The following ADGRB2 variants were observed in gnomAD, a reference collection of about 807,000 sequenced individuals.
ADGRB2 encodes adhesion G protein-coupled receptor B2, also known as brain-specific angiogenesis inhibitor 2.
A neutral mutation model predicts 178.7 loss-of-function variants in ADGRB2; 47 were observed. The observed-to-expected ratio is 0.26, with a 90% CI of 0.21 to 0.34. ADGRB2 has a LOEUF of 0.34. ADGRB2 is among the 10% of genes least tolerant of loss of function. The pLI, the probability that ADGRB2 is intolerant of heterozygous loss-of-function variation, is 1.00. For missense variants in ADGRB2, 1,584 were observed against 2,180.8 expected (o/e 0.73, Z 5.45); for synonymous variants, 870 against 912.4 (o/e 0.95, Z 0.84).
chr1:31,749,368 C>T (rs891708174), intron 4 of ADGRB2, among the ~76,000 whole-genome samples: 1 of 152,242 alleles, frequency 6.6e-6, no homozygotes, highest in African/African-American at 2.4e-5. Flanking sequence ...CCACACCCCA[C>T]TGGGCAGCCA....
chr1:31,739,289 A>T lies in ADGRB2; in HGVS notation c.2495+19T>A, dbSNP rs1276510143. 2 of 1,444,182 alleles carry T rather than the reference A, an allele frequency of 1.4e-6. No homozygotes were observed. Among genetic ancestry groups the T allele is most frequent in the African/African-American group, 2.9e-5 (2 of 69,688 alleles). The allele number at this position is 1,444,182 out of a possible 1,614,324, so 89.5% of individuals were successfully genotyped here. ...TCCTGGACCCTCAGCAGCCCCAGCCACCCATCCCCAGGACTCACCTGGGAG... is the reference window on the plus strand; with the variant it reads ...TCCTGGACCCTCAGCAGCCCCAGCCTCCCATCCCCAGGACTCACCTGGGAG... On this transcript the variant is annotated intron_variant, in intron 15 of 32. Transcript: ENST00000373658.
Position 31,740,512 on chromosome 1 carries a change from G to T in ADGRB2, c.1824C>A (p.Arg608=), listed in dbSNP as rs765697515. The change falls in exon 12 of 33, where the codon CGC becomes CGA. Residue 608 remains arginine, a synonymous_variant. Transcript: ENST00000373658. The surrounding 1 kb of genome is among the most constrained non-coding windows in gnomAD (Gnocchi z 5.9). The part of the protein sequence containing the change: ...SLREHLAKGQ[R]MLAGEGMSQV... ...GCGACATGCCCTCGCCTGCCAGCAT[G>T]CGCTGCCCCTTGGCCAGGTGCTCCC... is the stretch of plus-strand genomic sequence containing the variant. The T allele has an allele frequency of 6.2e-7, 1 of 1,611,410 alleles. No homozygotes were observed. Among genetic ancestry groups the T allele is most frequent in the South Asian group, 1.1e-5 (1 of 90,798 alleles).
Position 31,733,287 on chromosome 1 carries a change from C to G in ADGRB2, c.3453-144G>C. The G allele has an allele frequency of 1.2e-6, 1 of 855,442 alleles. No homozygotes were observed. The highest frequency in any genetic ancestry group is 2.7e-5 in the East Asian group (1 of 37,504). 53.0% of individuals were successfully genotyped at this position (855,442 alleles called of 1,614,324 possible). On this transcript the variant is annotated intron_variant, in intron 25 of 32. Transcript: ENST00000373658. This position sits in a 1 kb window ranked among gnomAD's most constrained non-coding sequence, Gnocchi z 4.3. ...CCAGGGCCTCAGTAATGTCCCCAAG[C>G]AGAGAGGGGCTGAGGAGCCAGAGCC...
Position 31,753,984 on chromosome 1 carries a change from G to A in ADGRB2, c.838+2015C>T, listed in dbSNP as rs574913501. ...GCCCTCCCTAAAAAGCAACCCCAAGGAAACATGCCAAGTAGGACAAGGGGC... is the reference window on the plus strand; with the variant it reads ...GCCCTCCCTAAAAAGCAACCCCAAGAAAACATGCCAAGTAGGACAAGGGGC... On this transcript the variant is annotated intron_variant, in intron 4 of 32. Coordinates refer to ENST00000373658, the MANE Select transcript of ADGRB2 (RefSeq NM_001364857.2). This position sits in a 1 kb window ranked among gnomAD's most constrained non-coding sequence, Gnocchi z 4.1. 3.3e-5 allele frequency among the ~76,000 whole-genome samples: 5 copies of A among 152,304 alleles called. No homozygotes were observed. Among genetic ancestry groups the A allele is most frequent in the Admixed American group, 3.3e-4 (5 of 15,308 alleles).
At position 31,739,570 on chromosome 1, in the gene ADGRB2, G is replaced by A; in HGVS notation, c.2233C>T (p.Arg745Cys). The A allele has an allele frequency of 6.2e-7, 1 of 1,611,730 alleles. No individual in the cohort carries two copies. The highest frequency in any genetic ancestry group is 8.5e-7 in the Non-Finnish European group (1 of 1,179,146). ...SSDITFPMRG[R>C]RGMKDWVRHS... Reference sequence around the variant, plus strand: ...CGCACCCAGTCCTTCATGCCCCGGCGGCCCCGCATGGGGAACGTGATGTCA... The same window carrying A: ...CGCACCCAGTCCTTCATGCCCCGGCAGCCCCGCATGGGGAACGTGATGTCA... The change falls in exon 15 of 33, where the codon CGC (arginine) becomes TGC (cysteine). Residue 745 changes from arginine (R) to cysteine (C), a missense_variant. Physicochemically the swap from Arg to Cys is radical, Grantham distance 180. This residue lies in a region of ADGRB2 where 865 missense variants were observed against 1,192.8 expected (regional missense o/e 0.73). Transcript: ENST00000373658.
chr1:31,756,880 G>A lies in ADGRB2; in HGVS notation c.22-65C>T. 7.1e-7 allele frequency: 1 copy of A among 1,400,960 alleles called. No homozygotes were observed. Among genetic ancestry groups the A allele is most frequent in the East Asian group, 2.5e-5 (1 of 39,884 alleles). 86.8% of individuals were successfully genotyped at this position (1,400,960 alleles called of 1,614,324 possible). On this transcript the variant is annotated intron_variant, in intron 3 of 32. Transcript: ENST00000373658. This position sits in a 1 kb window ranked among gnomAD's most constrained non-coding sequence, Gnocchi z 8.5. ...CCAGCATGGGCTCTGAACCTTCTATGGTGAGCTGCGGGAGTGGGCCTCATA... is the reference window on the plus strand; with the variant it reads ...CCAGCATGGGCTCTGAACCTTCTATAGTGAGCTGCGGGAGTGGGCCTCATA...
Position 31,759,299 on chromosome 1 carries a change from G to A in ADGRB2, c.-190-1788C>T, listed in dbSNP as rs968977756. ...TGTACACATGCACAGAGGTGCACAC[G>A]CATTCTCGACTGAGAACACACATGA... On this transcript the variant is annotated intron_variant, in intron 1 of 32. Coordinates refer to ENST00000373658, the MANE Select transcript of ADGRB2 (RefSeq NM_001364857.2). The surrounding 1 kb of genome is among the most constrained non-coding windows in gnomAD (Gnocchi z 4.3). 1.9e-5 allele frequency: 15 copies of A among 779,588 alleles called. No homozygotes were observed. Among genetic ancestry groups the A allele is most frequent in the African/African-American group, 3.4e-5 (2 of 59,138 alleles). The allele number at this position is 779,588 out of a possible 1,614,324, so 48.3% of individuals were successfully genotyped here.
rs1461482227 is a variant in ADGRB2 at position 31,737,455 on chromosome 1, C to T, written c.2953G>A (p.Val985Met). Residue 985 changes from valine (V) to methionine (M), a missense_variant, in exon 20 of 33, where the codon GTG (valine) becomes ATG (methionine). By Grantham distance (21) the Val-to-Met change is conservative. Around this residue, in one of 3 missense-constraint regions of ADGRB2, gnomAD observed 865 missense variants for 1,192.8 expected, o/e 0.73. Coordinates refer to ENST00000373658, the MANE Select transcript of ADGRB2 (RefSeq NM_001364857.2). ...TTGCTCAGCACCCGGGACTGGCCCACGAGGATCAGGATGTTGGATGCCAAG... is the reference window on the plus strand; with the variant it reads ...TTGCTCAGCACCCGGGACTGGCCCATGAGGATCAGGATGTTGGATGCCAAG... ...SILASNILIL[V>M]GQSRVLSKGV... The T allele has an allele frequency of 3.1e-6, 5 of 1,614,008 alleles. No individual in the cohort carries two copies. The highest frequency in any genetic ancestry group is 2.5e-6 in the Non-Finnish European group (3 of 1,180,024).
intron 29 of ADGRB2, among the ~76,000 whole-genome samples, chr1:31,729,164 C>T (rs1324929755): frequency 6.6e-6 from 1 of 152,096 alleles, no homozygotes; most frequent in Non-Finnish European, 1.5e-5. Context: ...TTCAAGGCCC[C>T]AGTAAGCTGT....
Position 31,740,539 on chromosome 1 carries a change from A to G in ADGRB2, c.1797T>C (p.Leu599=). The change falls in exon 12 of 33, where the codon CTT becomes CTC. Residue 599 remains leucine, a splice_region_variant and synonymous_variant. Transcript: ENST00000373658. This position sits in a 1 kb window ranked among gnomAD's most constrained non-coding sequence, Gnocchi z 5.9. The part of the protein sequence containing the change: ...SHEYRYLYLS[L]REHLAKGQRM... ...GCTGCCCCTTGGCCAGGTGCTCCCTAAGCTGTAGGTGATGAGGGGGCCACA... is the reference window on the plus strand; with the variant it reads ...GCTGCCCCTTGGCCAGGTGCTCCCTGAGCTGTAGGTGATGAGGGGGCCACA... 2 of 1,599,858 alleles carry G rather than the reference A, an allele frequency of 1.3e-6. No individual in the cohort carries two copies. Among genetic ancestry groups the G allele is most frequent in the South Asian group, 2.2e-5 (2 of 89,450 alleles).
chr1:31,764,151 T>G lies in ADGRB2; in HGVS notation c.-458A>C. 1 of 623,262 alleles carries G rather than the reference T, an allele frequency of 1.6e-6. No homozygotes were observed. The highest frequency in any genetic ancestry group is 2.0e-6 in the Non-Finnish European group (1 of 508,562). The allele number at this position is 623,262 out of a possible 1,614,324, so 38.6% of individuals were successfully genotyped here. A position where few individuals can be genotyped will look rare whatever the true frequency, so the allele number is the denominator to read the frequency against. ...GCCTCCTTGCCGCGCCGCCCCCCGC[T>G]CCCCCGCTCCCCCGCCCCGAGCACC... On this transcript the variant is annotated 5_prime_UTR_variant, in exon 1 of 33. Coordinates refer to ENST00000373658, the MANE Select transcript of ADGRB2 (RefSeq NM_001364857.2). The surrounding 1 kb of genome is among the most constrained non-coding windows in gnomAD (Gnocchi z 7.3).
chr1:31,727,336 G>C lies in ADGRB2; in HGVS notation c.*84C>G. 7.0e-7 allele frequency: 1 copy of C among 1,437,362 alleles called. No individual in the cohort carries two copies. The highest frequency in any genetic ancestry group is 9.1e-7 in the Non-Finnish European group (1 of 1,094,846). 89.0% of individuals were successfully genotyped at this position (1,437,362 alleles called of 1,614,324 possible). On this transcript the variant is annotated 3_prime_UTR_variant, in exon 33 of 33. Coordinates refer to ENST00000373658, the MANE Select transcript of ADGRB2 (RefSeq NM_001364857.2). This position sits in a 1 kb window ranked among gnomAD's most constrained non-coding sequence, Gnocchi z 4.4. ...CAGCCCTCGGGAGAGGGGAGAGGGC[G>C]CTGGCTCCTGGGTAGTTCCAAAGTG...
Position 31,754,695 on chromosome 1 carries a change from G to A in ADGRB2, c.838+1304C>T, listed in dbSNP as rs1246437937. Reference sequence around the variant, plus strand: ...GCACGATGTCAGATGTCTCATTGGAGAAGCCAAGAAGGCCCCCATCGAAAG... The same window carrying A: ...GCACGATGTCAGATGTCTCATTGGAAAAGCCAAGAAGGCCCCCATCGAAAG... On this transcript the variant is annotated intron_variant, in intron 4 of 32. Transcript: ENST00000373658. The surrounding 1 kb of genome is among the most constrained non-coding windows in gnomAD (Gnocchi z 5.7). Among the ~76,000 whole-genome samples the A allele has an allele frequency of 6.6e-6, 1 of 152,218 alleles. No homozygotes were observed. Among genetic ancestry groups the A allele is most frequent in the Non-Finnish European group, 1.5e-5 (1 of 68,042 alleles).
chr1:31,736,844 A>G, intron 20 of ADGRB2, 121 bp from the exon 21 acceptor site: 2 of 1,436,760 alleles, frequency 1.4e-6, no homozygotes, highest in Non-Finnish European at 1.8e-6. Context: ...CGCCCCCCAC[A>G]GAGCCCTGCC....
At position 31,728,287 on chromosome 1, in the gene ADGRB2, G is replaced by A. The variant is rs756136583; in HGVS notation, c.4417-7C>T. On this transcript the variant is annotated splice_polypyrimidine_tract_variant and splice_region_variant and intron_variant, in intron 30 of 32. Transcript: ENST00000373658. The surrounding 1 kb of genome is among the most constrained non-coding windows in gnomAD (Gnocchi z 6.7). ...TCCGGGTGTGCATCACCTTCTAGGG[G>A]CCACAGGGCATCAGAGGGTCGCTCC... The A allele has an allele frequency of 3.1e-6, 5 of 1,613,160 alleles. No homozygotes were observed. The highest frequency in any genetic ancestry group is 4.2e-6 in the Non-Finnish European group (5 of 1,179,748).
At chr1:31,732,655 G>A (rs751828824) in intron 26 of ADGRB2, 43 bp from the exon 27 acceptor site, 86 of 1,594,514 alleles carry the variant, frequency 5.4e-5, no homozygotes, top group Non-Finnish European at 7.2e-5. Flanking sequence ...CCACTGCAGG[G>A]CCCCCGACCA....
rs1193856596 is a variant in ADGRB2 at position 31,738,275 on chromosome 1, G to C, written c.2697C>G (p.Thr899=). ...ACTGGCAGCGGGTGTGAGCTGCCTG[G>C]GTCTCCAGGGTCTGGCAATTTTCAG... ...WDTENCQTLE[T]QAAHTRCQCQ... is the part of the protein sequence containing the mutation. Residue 899 remains threonine, a synonymous_variant, in exon 18 of 33, where the codon ACC becomes ACG. Coordinates refer to ENST00000373658, the MANE Select transcript of ADGRB2 (RefSeq NM_001364857.2). The C allele has an allele frequency of 6.2e-7, 1 of 1,614,042 alleles. No homozygotes were observed. Among genetic ancestry groups the C allele is most frequent in the Non-Finnish European group, 8.5e-7 (1 of 1,179,986 alleles).
intron 25 of ADGRB2, among the ~76,000 whole-genome samples, chr1:31,734,808 G>A (rs867396915): frequency 1.3e-5 from 2 of 152,150 alleles, no homozygotes; most frequent in Non-Finnish European, 2.9e-5. Context: ...GCTTCTGATT[G>A]TCTTATTCTA....
chr1:31,745,959 G>A (rs963485700), intron 4 of ADGRB2, among the ~76,000 whole-genome samples: 6 of 152,140 alleles, frequency 3.9e-5, no homozygotes, highest in African/African-American at 1.2e-4. Context: ...TTCCCTCCAC[G>A]TCAGTCACCA....
Sources: gnomAD v4.1 joint callset for allele counts (sites outside exome capture counted in the v4.1 genomes callset) on GRCh38, gnomAD v4.1.1 for gene constraint, gnomAD v4.1.1 regional missense constraint, Gnocchi (gnomAD v3.1) non-coding constraint, MANE v1.5 for transcripts, NCBI Gene and HGNC (gene_info 2026-07-23, HGNC 2026-07-21) for gene names.